The following SCYL2 variants were observed in gnomAD, a reference collection of about 807,000 sequenced individuals.
SCYL2 encodes the protein SCY1-like protein 2.
In SCYL2, 36 loss-of-function variants were observed where a neutral mutation model predicts 100.4. That is an observed-to-expected ratio of 0.36 (90% CI 0.27 to 0.47). The LOEUF is 0.47. Among genes scored for constraint, SCYL2 ranks in the 20% least tolerant of loss-of-function variants. The probability of loss-of-function intolerance (pLI) is 1.00; values close to 1 mark genes in which losing one functional copy is unlikely to be tolerated. For missense variants in SCYL2, 902 were observed against 1,083.9 expected, an observed-to-expected ratio of 0.83 and a Z score of 2.36; for synonymous variants, 330 against 359.2, an observed-to-expected ratio of 0.92 and a Z score of 0.92.
chr12:100,278,364 T>A (rs1039062673), intron 1 of SCYL2, among the ~76,000 whole-genome samples: 3 of 151,984 alleles, frequency 2.0e-5, no homozygotes, highest in African/African-American at 7.2e-5. Context: ...CATACCTGGA[T>A]AATTTTTCTA....
In SCYL2 at chr12:100,334,205, A is replaced by G. The variant is rs1566372988; in HGVS notation, c.1801A>G (p.Arg601Gly). ...FISVIKEMLN[R>G]LESEHKTKLE... ...TTCCGTCATAAAAGAAATGCTTAAT[A>G]GATTGGAGTCTGAACATAAGACTAA... Residue 601 changes from arginine to glycine, a missense_variant, in exon 14 of 18, where the codon AGA (arginine) becomes GGA (glycine). Physicochemically the swap from Arg to Gly is moderately radical, Grantham distance 125. Transcript: ENST00000360820. 6.2e-7 allele frequency: 1 copy of G among 1,605,156 alleles called. No homozygotes were observed. The highest frequency in any genetic ancestry group is 8.5e-7 in the Non-Finnish European group (1 of 1,174,988).
chr12:100,326,893 T>A lies in SCYL2; in HGVS notation c.1642+139T>A, dbSNP rs1010481626. 16 of 679,472 alleles carry A rather than the reference T, an allele frequency of 2.4e-5. No homozygotes were observed. In the Admixed American group the frequency reaches 4.4e-4, roughly 19 times the overall value. 42.1% of individuals were successfully genotyped at this position (679,472 alleles called of 1,614,324 possible). ...GATGTGATAAATACCATAATATAAC[T>A]TTTCTCTTTAAGTTTAGCAAAAGCA... On this transcript the variant is annotated intron_variant, in intron 12 of 17. Coordinates refer to ENST00000360820, the MANE Select transcript of SCYL2 (RefSeq NM_017988.6).
rs530832685 is a variant in SCYL2, at chr12:100,341,456, C to T, written c.*2284C>T. On this transcript the variant is annotated 3_prime_UTR_variant, in exon 18 of 18. Coordinates refer to ENST00000360820, the MANE Select transcript of SCYL2 (RefSeq NM_017988.6). ...TGCATTTGAATTAGTTCTCTATTCTCCTATTGCTAAATGTGTGATATATAG... is the reference window on the plus strand; with the variant it reads ...TGCATTTGAATTAGTTCTCTATTCTTCTATTGCTAAATGTGTGATATATAG... The T allele has an allele frequency of 1.9e-4, 29 of 152,234 alleles. No homozygotes were observed. The highest frequency in any genetic ancestry group is 7.0e-4 in the African/African-American group (29 of 41,550). 9.4% of individuals were successfully genotyped at this position (152,234 alleles called of 1,614,324 possible).
intron 13 of SCYL2, among the ~76,000 whole-genome samples, chr12:100,330,169 A>T (rs79669736): frequency 0.017 from 2,570 of 152,290 alleles, 72 homozygotes; most frequent in African/African-American, 0.058. Context: ...GGAAGGAATA[A>T]TTCAATTTGA....
chr12:100,268,592 A>G (rs2096282933), intron 1 of SCYL2, among the ~76,000 whole-genome samples: 1 of 152,224 alleles, frequency 6.6e-6, no homozygotes, highest in South Asian at 2.1e-4. Context: ...TTAGATTTAC[A>G]TTACTCACAT....
chr12:100,319,268 A>G (rs1417837922), intron 10 of SCYL2: 5 of 455,962 alleles, frequency 1.1e-5, no homozygotes, highest in East Asian at 1.4e-4. Context: ...TGTCCAAATG[A>G]CATGGATGAG....
At chr12:100,304,329 C>T (rs764269267) in intron 4 of SCYL2, among the ~76,000 whole-genome samples, 12 of 151,986 alleles carry the variant, frequency 7.9e-5, no homozygotes, top group South Asian at 2.1e-4. Context: ...GCAGCCAGCT[C>T]GGTGTCTGCC....
rs1053451915 is a variant in SCYL2, at chr12:100,314,708, A to G, written c.1095+94A>G. The stretch of plus-strand genomic sequence containing the variant: ...CATAACTCTTCCAAGAAAATAATAT[A>G]ACTTTGCCTGAGGTACATAAATGAC... On this transcript the variant is annotated intron_variant, in intron 8 of 17. Coordinates refer to ENST00000360820, the MANE Select transcript of SCYL2 (RefSeq NM_017988.6). The G allele has an allele frequency of 4.0e-6, 5 of 1,256,700 alleles. No homozygotes were observed. The African/African-American group carries it at 6.3e-5, about 16-fold the overall frequency. The allele number at this position is 1,256,700 out of a possible 1,614,324, so 77.8% of individuals were successfully genotyped here. A position where few individuals can be genotyped will look rare whatever the true frequency, so the allele number is the denominator to read the frequency against.
At chr12:100,310,506 A>T (rs747224477) in intron 4 of SCYL2, among the ~76,000 whole-genome samples, 13 of 152,226 alleles carry the variant, frequency 8.5e-5, no homozygotes, top group Non-Finnish European at 1.3e-4. Context: ...TGGAAACAGA[A>T]ATCTAACCTT....
chr12:100,321,428 A>G (rs1225902682), intron 10 of SCYL2, among the ~76,000 whole-genome samples: 1 of 152,162 alleles, frequency 6.6e-6, no homozygotes, highest in Admixed American at 6.5e-5. Context: ...TTAGCCAGTT[A>G]GTTCTCAAGC....
Position 100,329,337 on chromosome 12 carries a change from C to T in SCYL2, c.1761+18C>T. 5.8e-6 allele frequency: 7 copies of T among 1,215,686 alleles called. No individual in the cohort carries two copies. Among genetic ancestry groups the T allele is most frequent in the African/African-American group, 4.5e-5 (3 of 67,082 alleles). The allele number at this position is 1,215,686 out of a possible 1,614,324, so 75.3% of individuals were successfully genotyped here. On this transcript the variant is annotated intron_variant, in intron 13 of 17. Transcript: ENST00000360820. ...TTAATCAGGTAGGAGTATTTTTGTG[C>T]TTTATTCATTTTATTCAGCTTACTT... is the stretch of plus-strand genomic sequence containing the variant.
At chr12:100,327,856 G>A (rs1459776880) in intron 12 of SCYL2, among the ~76,000 whole-genome samples, 1 of 152,076 alleles carries the variant, frequency 6.6e-6, no homozygotes, top group Non-Finnish European at 1.5e-5. Flanking sequence ...AACACCTAAT[G>A]TAGTGCTTGG....
At chr12:100,310,968 T>G in intron 4 of SCYL2, 76 bp from the exon 5 acceptor site, 1 of 1,335,864 alleles carries the variant, frequency 7.5e-7, no homozygotes, top group Non-Finnish European at 9.9e-7. Flanking sequence ...TAGCAATAAT[T>G]ATTATTTTTG....
intron 10 of SCYL2, among the ~76,000 whole-genome samples, chr12:100,321,912 T>C (rs1326185818): frequency 6.6e-6 from 1 of 151,788 alleles, no homozygotes; most frequent in Non-Finnish European, 1.5e-5. Flanking sequence ...TAACCAGGCA[T>C]GGCAGTGCAT....
rs1952326871 is a variant in SCYL2 at position 100,339,525 on chromosome 12, G to T, written c.*353G>T. On this transcript the variant is annotated 3_prime_UTR_variant, in exon 18 of 18. Transcript: ENST00000360820. ...TTGGTGTTATTTAAAAAATTGAGGT[G>T]ATGGTCATTGCAAGCTCATCTATTA... 1 of 254,232 alleles carries T rather than the reference G, an allele frequency of 3.9e-6. No homozygotes were observed. Among genetic ancestry groups the T allele is most frequent in the South Asian group, 5.6e-5 (1 of 17,736 alleles). The allele number at this position is 254,232 out of a possible 1,614,324, so 15.7% of individuals were successfully genotyped here.
chr12:100,288,886 A>T (rs2096307382), intron 2 of SCYL2, among the ~76,000 whole-genome samples: 1 of 151,842 alleles, frequency 6.6e-6, no homozygotes. Context: ...TTATTTATTT[A>T]AAATTTTTTT....
intron 1 of SCYL2, among the ~76,000 whole-genome samples, chr12:100,282,627 C>G (rs1298476549): frequency 1.3e-5 from 2 of 152,116 alleles, no homozygotes; most frequent in African/African-American, 4.8e-5. Context: ...GCCCATCCCC[C>G]ACTTTAAGTC....
At chr12:100,332,199 A>G (rs12369335) in intron 13 of SCYL2, among the ~76,000 whole-genome samples, 18,611 of 152,204 alleles carry the variant, frequency 0.12, 1,529 homozygotes, top group Non-Finnish European at 0.18. Context: ...AACCAGGGAA[A>G]CTTATTAGAG....
rs548808558 is a variant in SCYL2, at chr12:100,288,581, A to G, written c.178-2922A>G. On this transcript the variant is annotated intron_variant, in intron 2 of 17. Coordinates refer to ENST00000360820, the MANE Select transcript of SCYL2 (RefSeq NM_017988.6). ...CTGAGCACGGTGGCTCACACCTGTA[A>G]TCTCAACACTATGGGAGGCTGAGGT... is the stretch of plus-strand genomic sequence containing the variant. Among the ~76,000 whole-genome samples, 81 of 152,220 alleles carry G rather than the reference A, an allele frequency of 5.3e-4. 1 individual carries two copies. In the South Asian group the frequency reaches 0.015, roughly 28 times the overall value.
Sources: allele counts gnomAD v4.1 joint callset (sites outside exome capture counted in the v4.1 genomes callset), GRCh38; gene constraint gnomAD v4.1.1; transcripts MANE v1.5; gene names NCBI Gene and HGNC (gene_info 2026-07-23, HGNC 2026-07-21).